AUTS2: variants seen among roughly 807,000 people sequenced by gnomAD.
The protein encoded by AUTS2 is autism susceptibility gene 2 protein.
A neutral mutation model predicts 112.4 loss-of-function variants in AUTS2; 17 were observed. The observed-to-expected ratio is 0.15, with a 90% CI of 0.10 to 0.23. The LOEUF is 0.23. AUTS2 is among the 10% of genes least tolerant of loss of function. AUTS2 has a pLI of 1.00. For missense variants in AUTS2, 1,510 were observed against 1,701.6 expected (o/e 0.89, Z 1.98); for synonymous variants, 751 against 702.7 (o/e 1.07, Z -1.09).
intron 2 of AUTS2, among the ~76,000 whole-genome samples, chr7:70,098,377 G>A (rs1804307465): frequency 6.6e-6 from 1 of 152,198 alleles, no homozygotes; most frequent in South Asian, 2.1e-4. Context: ...AGTGCTTTTA[G>A]GTAAATGAGA....
intron 4 of AUTS2, among the ~76,000 whole-genome samples, chr7:70,160,617 A>G (rs575507268): frequency 2.4e-4 from 36 of 152,328 alleles, no homozygotes; most frequent in Non-Finnish European, 1.6e-4. Flanking sequence ...TCTGACAGTT[A>G]TCACCCAAAA....
At chr7:70,760,218 G>A (rs181390290) in intron 6 of AUTS2, among the ~76,000 whole-genome samples, 7 of 152,320 alleles carry the variant, frequency 4.6e-5, no homozygotes, top group East Asian at 1.9e-4. Flanking sequence ...TGTTAGCCAG[G>A]ATGGTCTCGA....
At chr7:69,926,437 G>A (rs1457992098) in intron 2 of AUTS2, among the ~76,000 whole-genome samples, 2 of 117,774 alleles carry the variant, frequency 1.7e-5, no homozygotes, top group African/African-American at 7.0e-5. Context: ...CTATCTGTCT[G>A]TCTGTCTGTC....
chr7:70,330,251 G>A (rs984044991), intron 4 of AUTS2, among the ~76,000 whole-genome samples: 21 of 152,088 alleles, frequency 1.4e-4, no homozygotes, highest in Non-Finnish European at 2.1e-4. Context: ...AGAGTTTTAT[G>A]GCTTTAGTTT....
At chr7:69,718,579 C>T (rs1422931368) in intron 1 of AUTS2, among the ~76,000 whole-genome samples, 1 of 152,148 alleles carries the variant, frequency 6.6e-6, no homozygotes, top group Non-Finnish European at 1.5e-5. Context: ...CTTTTAAGAA[C>T]CCTTGATTAC....
In AUTS2 at chr7:70,406,470, C is replaced by T. The variant is rs538669951; in HGVS notation, c.661-29282C>T. Among the ~76,000 whole-genome samples, 15 of 152,310 alleles carry T rather than the reference C, an allele frequency of 9.8e-5. No homozygotes were observed. The East Asian group carries it at 2.5e-3, about 25-fold the overall frequency. On this transcript the variant is annotated intron_variant, in intron 4 of 18. Coordinates refer to ENST00000342771, the MANE Select transcript of AUTS2 (RefSeq NM_015570.4). ...GGGAGCAGGGAACAGAGAGCTGCCC[C>T]GCGGCACCATCTGTTTCTGCCAGCA...
chr7:69,637,525 T>C (rs979617256), intron 1 of AUTS2, among the ~76,000 whole-genome samples: 9 of 152,266 alleles, frequency 5.9e-5, no homozygotes, highest in Non-Finnish European at 8.8e-5. Context: ...AATATAGGTT[T>C]ACTTATCTTG....
chr7:69,609,663 C>T (rs1294471027), intron 1 of AUTS2, among the ~76,000 whole-genome samples: 1 of 152,098 alleles, frequency 6.6e-6, no homozygotes, highest in Non-Finnish European at 1.5e-5. Context: ...ACATTGGTAG[C>T]AGGATGTATG....
chr7:70,299,836 A>AC (rs949313704), intron 4 of AUTS2, among the ~76,000 whole-genome samples: 7 of 151,632 alleles, frequency 4.6e-5, no homozygotes, highest in Admixed American at 4.6e-4. Context: ...CCTTTAAAAA[A>AC]AAAAAAATCT....
At chr7:70,703,138 T>A (rs542405435) in intron 6 of AUTS2, among the ~76,000 whole-genome samples, 1 of 152,228 alleles carries the variant, frequency 6.6e-6, no homozygotes, top group South Asian at 2.1e-4. Context: ...GGGATTTCCT[T>A]GGTTTGGTGA....
intron 4 of AUTS2, among the ~76,000 whole-genome samples, chr7:70,228,731 TC>T (rs1811897675): frequency 6.6e-6 from 1 of 151,942 alleles, no homozygotes; most frequent in Non-Finnish European, 1.5e-5. Flanking sequence ...TCACTATAGA[TC>T]CATGTCACCA....
chr7:70,348,027 C>A (rs985240420), intron 4 of AUTS2, among the ~76,000 whole-genome samples: 1 of 152,120 alleles, frequency 6.6e-6, no homozygotes, highest in African/African-American at 2.4e-5. Flanking sequence ...GCCAGCAGAG[C>A]AGAGAGTGGT....
intron 1 of AUTS2, among the ~76,000 whole-genome samples, chr7:69,636,875 C>T (rs1001547509): frequency 2.0e-5 from 3 of 152,110 alleles, no homozygotes; most frequent in Non-Finnish European, 4.4e-5. Context: ...ACGCCATTCT[C>T]CTGCCTCAGC....
intron 5 of AUTS2, among the ~76,000 whole-genome samples, chr7:70,443,325 C>G (rs1796195788): frequency 6.6e-6 from 1 of 152,206 alleles, no homozygotes; most frequent in Non-Finnish European, 1.5e-5. Context: ...TTCCTGATTT[C>G]TCACTCACCA....
intron 4 of AUTS2, among the ~76,000 whole-genome samples, chr7:70,206,054 G>T (rs934367813): frequency 2.6e-5 from 4 of 152,160 alleles, no homozygotes; most frequent in African/African-American, 9.6e-5. Context: ...GAGAAAACTG[G>T]GATCTGTGAG....
At chr7:70,493,409 G>A (rs573989296) in intron 5 of AUTS2, among the ~76,000 whole-genome samples, 142 of 152,276 alleles carry the variant, frequency 9.3e-4, no homozygotes, top group Non-Finnish European at 1.7e-3. Flanking sequence ...ATGGATAGAT[G>A]GATGCCCAAG....
intron 5 of AUTS2, among the ~76,000 whole-genome samples, chr7:70,691,927 G>A (rs534232144): frequency 1.3e-4 from 18 of 143,274 alleles, no homozygotes; most frequent in African/African-American, 4.7e-4. Flanking sequence ...TTAGGCTGTA[G>A]TACAGTGGCA....
At chr7:69,612,530 G>A (rs940052225) in intron 1 of AUTS2, among the ~76,000 whole-genome samples, 1 of 151,984 alleles carries the variant, frequency 6.6e-6, no homozygotes, top group Admixed American at 6.6e-5. Flanking sequence ...CGCAGTCATG[G>A]CTCACTGCAG....
Position 70,056,211 on chromosome 7 carries a change from C to T in AUTS2, c.523-61921C>T, listed in dbSNP as rs1801987789. Reference sequence around the variant, plus strand: ...TGTTAGCCAGGCTGGTCTCGAACTCCGGACCTCAGGCAATCCATCCTCCTC... The same window carrying T: ...TGTTAGCCAGGCTGGTCTCGAACTCTGGACCTCAGGCAATCCATCCTCCTC... On this transcript the variant is annotated intron_variant, in intron 2 of 18. Transcript: ENST00000342771. Among the ~76,000 whole-genome samples, 7 of 152,218 alleles carry T rather than the reference C, an allele frequency of 4.6e-5. No individual in the cohort carries two copies. The South Asian group carries it at 8.3e-4, about 18-fold the overall frequency.
Sources: gnomAD v4.1 joint callset for allele counts (sites outside exome capture counted in the v4.1 genomes callset) on GRCh38, gnomAD v4.1.1 for gene constraint, MANE v1.5 for transcripts, NCBI Gene and HGNC (gene_info 2026-07-23, HGNC 2026-07-21) for gene names.